The following ELMO1 variants were observed in gnomAD, a reference collection of about 807,000 sequenced individuals.
ELMO1 encodes the protein engulfment and cell motility 1, also known as engulfment and cell motility protein 1.
In ELMO1, 26 loss-of-function variants were observed where a neutral mutation model predicts 98.9. That is an observed-to-expected ratio of 0.26 (90% CI 0.19 to 0.36). ELMO1 has a LOEUF of 0.36. Among genes scored for constraint, ELMO1 ranks in the 10% least tolerant of loss-of-function variants. The pLI is 1.00. For synonymous variants in ELMO1, 346 were observed against 346.0 expected (o/e 1.00, Z 0.00); for missense variants, 627 against 935.2 (o/e 0.67, Z 4.30).
intron 1 of ELMO1, among the ~76,000 whole-genome samples, chr7:37,368,544 G>A (rs553042177): frequency 3.3e-5 from 5 of 152,054 alleles, no homozygotes; most frequent in Non-Finnish European, 4.4e-5. Context: ...CCAAAGAACC[G>A]GGAGGGACTC....
At chr7:37,015,588 C>T (rs540297729) in intron 15 of ELMO1, among the ~76,000 whole-genome samples, 167 of 152,100 alleles carry the variant, frequency 1.1e-3, no homozygotes, top group Non-Finnish European at 1.8e-3. Flanking sequence ...GCGACAAGAG[C>T]GAAACTCCGT....
In ELMO1 at chr7:37,118,601, G is replaced by C. The variant is rs1236053995; in HGVS notation, c.1191+14529C>G. On this transcript the variant is annotated intron_variant, in intron 14 of 21. Coordinates refer to ENST00000310758, the MANE Select transcript of ELMO1 (RefSeq NM_014800.11). ...TCAATCAAGTACTACTTTAAGGAGTGGGAACGGGAACAATCAACTCAAATG... is the reference window on the plus strand; with the variant it reads ...TCAATCAAGTACTACTTTAAGGAGTCGGAACGGGAACAATCAACTCAAATG... Among the ~76,000 whole-genome samples, 8 of 152,206 alleles carry C rather than the reference G, an allele frequency of 5.3e-5. No homozygotes were observed. In the East Asian group the frequency reaches 1.3e-3, roughly 26 times the overall value.
intron 1 of ELMO1, among the ~76,000 whole-genome samples, chr7:37,389,905 GAA>G (rs1194765073): frequency 6.6e-6 from 1 of 151,976 alleles, no homozygotes; most frequent in Non-Finnish European, 1.5e-5. Flanking sequence ...ACCGTAAGCA[GAA>G]AGGCACGCTT....
chr7:36,991,275 C>A (rs1400304320), intron 16 of ELMO1, among the ~76,000 whole-genome samples: 1 of 152,120 alleles, frequency 6.6e-6, no homozygotes, highest in Non-Finnish European at 1.5e-5. Context: ...CATGCATGAG[C>A]CCACACACAT....
chr7:37,268,426 G>A (rs531841849), intron 5 of ELMO1, among the ~76,000 whole-genome samples: 15 of 152,220 alleles, frequency 9.9e-5, no homozygotes, highest in African/African-American at 2.6e-4. Flanking sequence ...TCAGCCTGCC[G>A]AGAAGCTGGG....
intron 16 of ELMO1, among the ~76,000 whole-genome samples, chr7:37,006,202 T>A (rs1456078728): frequency 6.6e-6 from 1 of 152,180 alleles, no homozygotes; most frequent in Non-Finnish European, 1.5e-5. Context: ...TAAAACAATC[T>A]GTATTTATGG....
intron 16 of ELMO1, among the ~76,000 whole-genome samples, chr7:36,987,184 C>T (rs570910089): frequency 2.0e-5 from 3 of 152,248 alleles, no homozygotes; most frequent in Admixed American, 6.5e-5. Flanking sequence ...CCCTGGATTT[C>T]CTCAGCCCAT....
At chr7:36,899,997 C>CTATAA (rs1806370550) in intron 16 of ELMO1, among the ~76,000 whole-genome samples, 1 of 152,126 alleles carries the variant, frequency 6.6e-6, no homozygotes, top group African/African-American at 2.4e-5. Flanking sequence ...GAAGCTTCTC[C>CTATAA]TATAAAAATA....
At chr7:37,032,141 T>A (rs754543317) in intron 15 of ELMO1, among the ~76,000 whole-genome samples, 14 of 152,182 alleles carry the variant, frequency 9.2e-5, no homozygotes, top group Non-Finnish European at 1.6e-4. Flanking sequence ...TTCCTTTGTA[T>A]GTTCACGGTG....
intron 14 of ELMO1, among the ~76,000 whole-genome samples, chr7:37,125,295 TTAAAC>T (rs1382762014): frequency 6.6e-6 from 1 of 152,004 alleles, no homozygotes; most frequent in Non-Finnish European, 1.5e-5. Context: ...TGGGATGTAA[TTAAAC>T]TAAAGAGCTT....
intron 16 of ELMO1, among the ~76,000 whole-genome samples, chr7:36,934,199 C>T (rs367862370): frequency 6.6e-6 from 1 of 152,184 alleles, no homozygotes; most frequent in African/African-American, 2.4e-5. Context: ...TAGGGCAACG[C>T]GGATGACAAG....
At chr7:37,068,134 A>G (rs976581973) in intron 15 of ELMO1, among the ~76,000 whole-genome samples, 4 of 152,106 alleles carry the variant, frequency 2.6e-5, no homozygotes, top group Non-Finnish European at 4.4e-5. Context: ...ACTTTGACAC[A>G]TGGGAAAGTT....
At chr7:37,049,321 T>C (rs1795975203) in intron 15 of ELMO1, among the ~76,000 whole-genome samples, 1 of 152,170 alleles carries the variant, frequency 6.6e-6, no homozygotes, top group Non-Finnish European at 1.5e-5. Flanking sequence ...GCCGGGATTC[T>C]TCTCTGACCA....
intron 1 of ELMO1, among the ~76,000 whole-genome samples, chr7:37,413,660 C>G (rs11772059): frequency 6.6e-6 from 1 of 151,842 alleles, no homozygotes; most frequent in Non-Finnish European, 1.5e-5. Context: ...GGAAAACACC[C>G]TTCAGCACTT....
At chr7:37,275,319 C>T (rs1796772631) in intron 4 of ELMO1, among the ~76,000 whole-genome samples, 1 of 152,198 alleles carries the variant, frequency 6.6e-6, no homozygotes, top group African/African-American at 2.4e-5. Context: ...CCGCATTGGC[C>T]TCTAGGCTCC....
At chr7:37,307,429 C>T (rs1352650233) in intron 4 of ELMO1, among the ~76,000 whole-genome samples, 3 of 152,260 alleles carry the variant, frequency 2.0e-5, no homozygotes, top group African/African-American at 7.2e-5. Context: ...TCCCTTCCAC[C>T]GTGATTGTCA....
At chr7:37,031,099 G>A (rs570638429) in intron 15 of ELMO1, among the ~76,000 whole-genome samples, 6 of 151,916 alleles carry the variant, frequency 3.9e-5, no homozygotes, top group Non-Finnish European at 8.8e-5. Flanking sequence ...ACTGACCTTG[G>A]TTCAGGTGCT....
intron 16 of ELMO1, among the ~76,000 whole-genome samples, chr7:37,002,777 T>C (rs946609997): frequency 6.6e-6 from 1 of 152,224 alleles, no homozygotes; most frequent in African/African-American, 2.4e-5. Context: ...GGTGAGATAG[T>C]AACTTTGAGT....
chr7:37,258,391 C>A (rs1795802767), intron 6 of ELMO1, among the ~76,000 whole-genome samples: 2 of 151,836 alleles, frequency 1.3e-5, no homozygotes, highest in Admixed American at 1.3e-4. Flanking sequence ...CAGTGAACAG[C>A]GATTGCACCA....
Sources: gnomAD v4.1 joint callset for allele counts (sites outside exome capture counted in the v4.1 genomes callset) on GRCh38, gnomAD v4.1.1 for gene constraint, MANE v1.5 for transcripts, NCBI Gene and HGNC (gene_info 2026-07-23, HGNC 2026-07-21) for gene names.